The following RAPGEF5 variants were observed in gnomAD, a reference collection of about 807,000 sequenced individuals.
RAPGEF5 encodes the protein Rap guanine nucleotide exchange factor 5.
In RAPGEF5, 65 loss-of-function variants were observed where a neutral mutation model predicts 125.2. That is an observed-to-expected ratio of 0.52 (90% confidence interval 0.43 to 0.64). The LOEUF (loss-of-function observed/expected upper bound fraction) is 0.64. Ranked by LOEUF, RAPGEF5 falls within the 30% of genes least tolerant of loss-of-function variation. RAPGEF5 has a pLI of 0.00. For synonymous variants in RAPGEF5, 391 were observed against 385.9 expected, an observed-to-expected ratio of 1.01 and a Z score of -0.16; for missense variants, 958 against 1,048.1, an observed-to-expected ratio of 0.91 and a Z score of 1.19.
At chr7:22,344,477 A>C (rs548521478) in intron 1 of RAPGEF5, among the ~76,000 whole-genome samples, 8 of 152,320 alleles carry the variant, frequency 5.3e-5, no homozygotes, top group African/African-American at 1.9e-4. Flanking sequence ...GGGACTGCCC[A>C]GGGTCAGCTG....
intron 7 of RAPGEF5, among the ~76,000 whole-genome samples, chr7:22,243,645 T>C (rs1348022878): frequency 6.6e-6 from 1 of 152,186 alleles, no homozygotes; most frequent in Admixed American, 6.5e-5. Flanking sequence ...TGTATATATT[T>C]ATGGGATACA....
At chr7:22,124,131 G>A (rs189902807) in intron 25 of RAPGEF5, among the ~76,000 whole-genome samples, 73 of 152,274 alleles carry the variant, frequency 4.8e-4, no homozygotes, top group African/African-American at 1.8e-3. Context: ...GGAGGTTCAA[G>A]GCAGGTTCAA....
intron 6 of RAPGEF5, among the ~76,000 whole-genome samples, chr7:22,275,429 T>C (rs924698325): frequency 6.6e-6 from 1 of 152,202 alleles, no homozygotes; most frequent in African/African-American, 2.4e-5. Context: ...AGGGGGAACA[T>C]GATCATTAAC....
intron 21 of RAPGEF5, among the ~76,000 whole-genome samples, chr7:22,138,015 ACACACACACACACACACACGCACGCACG>A (rs1465269848): frequency 6.1e-4 from 93 of 151,698 alleles, no homozygotes; most frequent in Middle Eastern, 3.4e-3. Context: ...CTACACACAC[ACACACACACACACACACACGCACGCACG>A]CACACACACA....
chr7:22,302,017 C>T (rs1377751645), intron 5 of RAPGEF5, among the ~76,000 whole-genome samples: 3 of 152,194 alleles, frequency 2.0e-5, no homozygotes, highest in East Asian at 3.8e-4. Context: ...CAAGGCCAAA[C>T]ACGGAAGCTT....
chr7:22,150,945 G>A (rs752267751), intron 17 of RAPGEF5, among the ~76,000 whole-genome samples: 16 of 151,918 alleles, frequency 1.1e-4, no homozygotes, highest in African/African-American at 2.2e-4. Context: ...TAACTATTGC[G>A]GATACACATA....
At chr7:22,176,381 C>T (rs1257261568) in intron 11 of RAPGEF5, among the ~76,000 whole-genome samples, 1 of 152,154 alleles carries the variant, frequency 6.6e-6, no homozygotes, top group Non-Finnish European at 1.5e-5. Context: ...GACTTATTTT[C>T]TTCCAAGTTT....
At chr7:22,207,870 C>G (rs1272365210) in intron 9 of RAPGEF5, among the ~76,000 whole-genome samples, 1 of 152,152 alleles carries the variant, frequency 6.6e-6, no homozygotes. Flanking sequence ...GATTTGTGTC[C>G]TGACCTGGCC....
chr7:22,151,455 T>C (rs1322059426), intron 17 of RAPGEF5, among the ~76,000 whole-genome samples: 1 of 122,394 alleles, frequency 8.2e-6, no homozygotes, highest in Non-Finnish European at 1.6e-5. Context: ...ACACTGATCA[T>C]TACTTTTTTT....
intron 11 of RAPGEF5, among the ~76,000 whole-genome samples, chr7:22,183,555 T>C (rs1373170052): frequency 6.6e-6 from 1 of 152,120 alleles, no homozygotes; most frequent in East Asian, 1.9e-4. Flanking sequence ...AGCAAATTAA[T>C]GTAAATAAAG....
chr7:22,215,310 A>G (rs960905167), intron 9 of RAPGEF5, among the ~76,000 whole-genome samples: 3 of 152,184 alleles, frequency 2.0e-5, no homozygotes, highest in African/African-American at 7.2e-5. Flanking sequence ...CCCACTAGGA[A>G]TACTCTTCTT....
At chr7:22,342,930 C>T (rs1278166108) in intron 1 of RAPGEF5, among the ~76,000 whole-genome samples, 1 of 152,232 alleles carries the variant, frequency 6.6e-6, no homozygotes, top group Non-Finnish European at 1.5e-5. Context: ...CAACCTCTGC[C>T]TGTTACCCAG....
Position 22,308,336 on chromosome 7 carries a change from T to C in RAPGEF5, c.680+3A>G. 1 of 1,581,820 alleles carries C rather than the reference T, an allele frequency of 6.3e-7. No homozygotes were observed. Among genetic ancestry groups the C allele is most frequent in the Admixed American group, 1.8e-5 (1 of 55,692 alleles). On this transcript the variant is annotated splice_donor_region_variant and intron_variant, in intron 5 of 25. Transcript: ENST00000665637. ...ACAATGGCACAAGAGAGCATCTACT[T>C]ACAGTTCACAGATGCCACCTCTGGC...
chr7:22,343,496 G>A (rs1784166756), intron 1 of RAPGEF5, among the ~76,000 whole-genome samples: 1 of 152,132 alleles, frequency 6.6e-6, no homozygotes, highest in African/African-American at 2.4e-5. Flanking sequence ...GTATTCAGAT[G>A]TTGGTACCCA....
intron 8 of RAPGEF5, among the ~76,000 whole-genome samples, chr7:22,227,445 T>C (rs1010894386): frequency 6.6e-6 from 1 of 152,164 alleles, no homozygotes; most frequent in Non-Finnish European, 1.5e-5. Flanking sequence ...AATAGAATGA[T>C]TGATTCAAAT....
chr7:22,189,965 T>C (rs1040976434), intron 11 of RAPGEF5, among the ~76,000 whole-genome samples: 34 of 152,174 alleles, frequency 2.2e-4, no homozygotes, highest in African/African-American at 6.8e-4. Flanking sequence ...GCACTTCCCA[T>C]TGATCTTCTC....
chr7:22,150,074 C>CTT (rs71550462), intron 18 of RAPGEF5, among the ~76,000 whole-genome samples: 16 of 76,278 alleles, frequency 2.1e-4, no homozygotes, highest in Non-Finnish European at 3.0e-4. Flanking sequence ...ACGTGTGTTC[C>CTT]TTTTTTTTTT....
At chr7:22,123,780 T>G (rs1393181124) in intron 25 of RAPGEF5, among the ~76,000 whole-genome samples, 1 of 152,248 alleles carries the variant, frequency 6.6e-6, no homozygotes, top group African/African-American at 2.4e-5. Context: ...TCGAGAAAGT[T>G]AAACATTGGT....
At chr7:22,203,029 A>T (rs1785315203) in intron 9 of RAPGEF5, 1 of 199,306 alleles carries the variant, frequency 5.0e-6, no homozygotes. Flanking sequence ...GATTTTGTTT[A>T]TGTGTATGTG....
Sources: gnomAD v4.1 joint callset for allele counts (sites outside exome capture counted in the v4.1 genomes callset) on GRCh38, gnomAD v4.1.1 for gene constraint, MANE v1.5 for transcripts, NCBI Gene and HGNC (gene_info 2026-07-23, HGNC 2026-07-21) for gene names.